The following POLD4 variants were observed in gnomAD, a reference collection of about 807,000 sequenced individuals.
POLD4 encodes DNA polymerase delta 4, accessory subunit.
In POLD4, 9 loss-of-function variants were observed where a neutral mutation model predicts 16.5. The ratio of observed to expected loss-of-function variants is 0.55; its 90% CI spans 0.33 to 0.95. POLD4 has a LOEUF of 0.95. Among genes scored for constraint, POLD4 ranks in the 40% least tolerant of loss-of-function variants. The probability of loss-of-function intolerance (pLI) is 0.03; values close to 1 mark genes in which losing one functional copy is unlikely to be tolerated. For synonymous variants in POLD4, 62 were observed against 57.6 expected (o/e 1.08, Z -0.35); for missense variants, 129 against 139.7 (o/e 0.92, Z 0.39).
In POLD4 at chr11:67,353,478, C is replaced by A; in HGVS notation, c.-79G>T. 1.6e-6 allele frequency: 2 copies of A among 1,276,918 alleles called. No individual in the cohort carries two copies. Among genetic ancestry groups the A allele is most frequent in the Non-Finnish European group, 2.2e-6 (2 of 906,382 alleles). The allele number at this position is 1,276,918 out of a possible 1,614,324, so 79.1% of individuals were successfully genotyped here. ...CGGCCAGTGGGCGCGAGAAAGACAGCTGCTGAGAGAGACAGACGGGGCCAG... is the reference window on the plus strand; with the variant it reads ...CGGCCAGTGGGCGCGAGAAAGACAGATGCTGAGAGAGACAGACGGGGCCAG... On this transcript the variant is annotated 5_prime_UTR_variant, in exon 1 of 4. Transcript: ENST00000312419.
At chr11:67,352,661 C>T (rs760434696) in intron 3 of POLD4, 30 bp downstream of exon 3, 1 of 1,572,802 alleles carries the variant, frequency 6.4e-7, no homozygotes, top group Non-Finnish European at 8.7e-7. Context: ...GCCCTGGCTC[C>T]CCTGAAAGCC....
chr11:67,353,352 C>T lies in POLD4; in HGVS notation c.48G>A (p.Arg16=). Residue 16 remains arginine (R), a synonymous_variant, in exon 1 of 4, where the codon AGG becomes AGA. Transcript: ENST00000312419. ...TGCTGTGCCCAGCGGGCCCCTCCCT[C>T]CTCTTCACAACCGGGTAGGAATCAG... ...LITDSYPVVK[R]REGPAGHSKG... is the part of the protein sequence containing the mutation. The T allele has an allele frequency of 6.2e-7, 1 of 1,612,628 alleles. No homozygotes were observed.
Position 67,352,672 on chromosome 11 carries a change from C to CT in POLD4, c.299+18dup. 1 of 1,603,888 alleles carries CT rather than the reference C, an allele frequency of 6.2e-7. No homozygotes were observed. The highest frequency in any genetic ancestry group is 8.5e-7 in the Non-Finnish European group (1 of 1,172,818). On this transcript the variant is annotated intron_variant, in intron 3 of 3. Coordinates refer to ENST00000312419, the MANE Select transcript of POLD4 (RefSeq NM_021173.5). ...GAAGGCCCTGGCTCCCCTGAAAGCC[C>CT]TCCCGGCCTGTCTCTGACCTGCACT... is the stretch of plus-strand genomic sequence containing the variant.
chr11:67,351,812 G>A lies in POLD4; in HGVS notation c.*183C>T, dbSNP rs774356829. 30 of 615,804 alleles carry A rather than the reference G, an allele frequency of 4.9e-5. No individual in the cohort carries two copies. Among genetic ancestry groups the A allele is most frequent in the African/African-American group, 2.4e-4 (13 of 53,850 alleles). The allele number at this position is 615,804 out of a possible 1,614,324, so 38.1% of individuals were successfully genotyped here. ...CTGCTTCAGCTGCGCAGGCTCTTCCGGGGACTCTGGGAGCCTGCTGGTTAG... is the reference window on the plus strand; with the variant it reads ...CTGCTTCAGCTGCGCAGGCTCTTCCAGGGACTCTGGGAGCCTGCTGGTTAG... On this transcript the variant is annotated 3_prime_UTR_variant, in exon 4 of 4. Transcript: ENST00000312419. This position sits in a 1 kb window ranked among gnomAD's most constrained non-coding sequence, Gnocchi z 4.8.
chr11:67,352,041 G>T, intron 3 of POLD4, 22 bp from the exon 4 acceptor site: 5 of 1,197,660 alleles, frequency 4.2e-6, no homozygotes, highest in South Asian at 2.6e-5. Context: ...GGGGTGGGAG[G>T]GAGGGATACC....
At chr11:67,353,275 C>T (rs778239887) in intron 1 of POLD4, 28 bp downstream of exon 1, 7 of 1,601,014 alleles carry the variant, frequency 4.4e-6, no homozygotes, top group East Asian at 2.2e-5. Flanking sequence ...CGTGTCCACT[C>T]CTCCTGCCTC....
intron 3 of POLD4, 141 bp downstream of exon 3, chr11:67,352,542 CCTGAGCCA>C: frequency 1.7e-6 from 1 of 603,304 alleles, no homozygotes; most frequent in East Asian, 2.9e-5. Flanking sequence ...GGCGTGTCCT[CCTGAGCCA>C]GGCACCTCAT....
upstream of POLD4, chr11:67,353,587 C>CA (rs1861928463): frequency 8.6e-6 from 5 of 583,926 alleles, no homozygotes; most frequent in South Asian, 2.1e-5. Context: ...CCCCCACCCC[C>CA]AAAAGCACGC....
intron 3 of POLD4, 125 bp from the exon 4 acceptor site, chr11:67,352,144 G>GAA: frequency 1.3e-6 from 1 of 765,576 alleles, no homozygotes; most frequent in South Asian, 1.7e-5. Context: ...TAGTCCTTGG[G>GAA]AAACCCCTCA....
chr11:67,353,549 A>G, upstream of POLD4: 1 of 649,904 alleles, frequency 1.5e-6, no homozygotes, highest in Non-Finnish European at 2.6e-6. Flanking sequence ...CGAGAGAGGA[A>G]GTCGCCGGGG....
At chr11:67,352,831 A>G in intron 2 of POLD4, 29 bp from the exon 3 acceptor site, 1 of 1,537,554 alleles carries the variant, frequency 6.5e-7, no homozygotes, top group Non-Finnish European at 8.9e-7. Flanking sequence ...GACTCTGGAG[A>G]CTTGTGGGGG....
Position 67,352,038 on chromosome 11 carries a change from G to T in POLD4, c.300-19C>A. On this transcript the variant is annotated intron_variant, in intron 3 of 3. Transcript: ENST00000312419. ...CCAGAGACTGTGGAAGATGGGGTGG[G>T]AGGGAGGGATACCCCAGAGAGAGAG... 7 of 1,241,872 alleles carry T rather than the reference G, an allele frequency of 5.6e-6. No homozygotes were observed. The highest frequency in any genetic ancestry group is 1.3e-5 in the South Asian group (1 of 79,342). The allele number at this position is 1,241,872 out of a possible 1,614,324, so 76.9% of individuals were successfully genotyped here.
chr11:67,352,234 G>A, intron 3 of POLD4: 1 of 523,150 alleles, frequency 1.9e-6, no homozygotes, highest in Non-Finnish European at 3.4e-6. Context: ...TATTGGCCGG[G>A]TGTGGTGGCT....
chr11:67,353,515 G>T lies in POLD4; in HGVS notation c.-116C>A. 1.1e-6 allele frequency: 1 copy of T among 877,590 alleles called. No homozygotes were observed. Among genetic ancestry groups the T allele is most frequent in the Non-Finnish European group, 1.7e-6 (1 of 581,278 alleles). The allele number at this position is 877,590 out of a possible 1,614,324, so 54.4% of individuals were successfully genotyped here. ...ACAGACGGGGCCAGGCCAGCGGCGG[G>T]CAGACAAGATGACCCAGACAAACCG... On this transcript the variant is annotated 5_prime_UTR_variant, in exon 1 of 4. Coordinates refer to ENST00000312419, the MANE Select transcript of POLD4 (RefSeq NM_021173.5).
intron 1 of POLD4, 50 bp from the exon 2 acceptor site, chr11:67,353,127 C>G: frequency 6.5e-7 from 1 of 1,531,346 alleles, no homozygotes; most frequent in Non-Finnish European, 8.9e-7. Flanking sequence ...GTCTCCTGCC[C>G]CTCACCTCCC....
At chr11:67,353,227 G>T in intron 1 of POLD4, 76 bp downstream of exon 1, 3 of 1,553,246 alleles carry the variant, frequency 1.9e-6, no homozygotes. Flanking sequence ...CTTTCCATCG[G>T]CCCCTCCGCC....
At chr11:67,353,260 C>T (rs1192178754) in intron 1 of POLD4, 43 bp downstream of exon 1, 2 of 1,590,266 alleles carry the variant, frequency 1.3e-6, no homozygotes, top group Non-Finnish European at 1.7e-6. Context: ...TCCTCTAGGC[C>T]CCTCCGTGTC....
At position 67,351,228 on chromosome 11, in the gene POLD4, C is replaced by A. The variant is rs778056068; in HGVS notation, c.*767G>T. On this transcript the variant is annotated 3_prime_UTR_variant, in exon 4 of 4. Transcript: ENST00000312419. This position sits in a 1 kb window ranked among gnomAD's most constrained non-coding sequence, Gnocchi z 4.8. The stretch of plus-strand genomic sequence containing the variant: ...GTTTGGACTTCATGAGCTATGGACC[C>A]CAGGGGTCCTTCTCTGGCAAAGCAC... The A allele has an allele frequency of 2.6e-5, 4 of 152,178 alleles. No individual in the cohort carries two copies. Among genetic ancestry groups the A allele is most frequent in the Non-Finnish European group, 5.9e-5 (4 of 68,036 alleles). The allele number at this position is 152,178 out of a possible 1,614,324, so 9.4% of individuals were successfully genotyped here. A position where few individuals can be genotyped will look rare whatever the true frequency, so the allele number is the denominator to read the frequency against.
Position 67,351,755 on chromosome 11 carries a change from TC to T in POLD4, c.*239del, listed in dbSNP as rs1861872099. 3.9e-6 allele frequency: 2 copies of T among 512,658 alleles called. No homozygotes were observed. The highest frequency in any genetic ancestry group is 2.5e-5 in the South Asian group (1 of 39,392). The allele number at this position is 512,658 out of a possible 1,614,324, so 31.8% of individuals were successfully genotyped here. On this transcript the variant is annotated 3_prime_UTR_variant, in exon 4 of 4. Coordinates refer to ENST00000312419, the MANE Select transcript of POLD4 (RefSeq NM_021173.5). This position sits in a 1 kb window ranked among gnomAD's most constrained non-coding sequence, Gnocchi z 4.8. ...TTGGAAGGTGATGGCCAGGTCCTTT[TC>T]CCCAGTGACCACTCTCCATCTAGAA...
Sources: allele counts gnomAD v4.1 joint callset, GRCh38; gene constraint gnomAD v4.1.1; non-coding constraint Gnocchi (gnomAD v3.1); transcripts MANE v1.5; gene names NCBI Gene and HGNC (gene_info 2026-07-23, HGNC 2026-07-21).